PRKN: variants seen among roughly 807,000 people sequenced by gnomAD.
The protein encoded by PRKN is parkin RBR E3 ubiquitin protein ligase, also known as E3 ubiquitin-protein ligase parkin.
In PRKN, 56 loss-of-function variants were observed where a neutral mutation model predicts 59.5. That is an observed-to-expected ratio of 0.94 (90% CI 0.76 to 1.18). PRKN has a LOEUF of 1.18. PRKN is among the 50% of genes most tolerant of loss of function. PRKN has a pLI of 0.00. For synonymous variants in PRKN, 250 were observed against 222.1 expected, an observed-to-expected ratio of 1.13 and a Z score of -1.12; for missense variants, 657 against 596.4, an observed-to-expected ratio of 1.10 and a Z score of -1.06.
At chr6:161,374,322 T>C (rs1273096864) in intron 10 of PRKN, among the ~76,000 whole-genome samples, 1 of 151,812 alleles carries the variant, frequency 6.6e-6, no homozygotes, top group East Asian at 1.9e-4. Context: ...GTGTTGTGTG[T>C]GTAACGCATG....
At chr6:161,907,734 A>G (rs1437195128) in intron 6 of PRKN, among the ~76,000 whole-genome samples, 1 of 152,192 alleles carries the variant, frequency 6.6e-6, no homozygotes, top group Non-Finnish European at 1.5e-5. Flanking sequence ...AGGACCAAAC[A>G]GCGCTCTCAG....
intron 2 of PRKN, among the ~76,000 whole-genome samples, chr6:162,394,905 A>C (rs1246372332): frequency 6.6e-6 from 1 of 152,240 alleles, no homozygotes; most frequent in Non-Finnish European, 1.5e-5. Flanking sequence ...TCCTAGTGTA[A>C]TTAATTGGAC....
intron 6 of PRKN, among the ~76,000 whole-genome samples, chr6:161,863,886 G>A (rs1343268770): frequency 6.6e-6 from 1 of 152,202 alleles, no homozygotes; most frequent in East Asian, 1.9e-4. Flanking sequence ...CTATGCCATA[G>A]TCATATTAAG....
chr6:161,529,078 T>C lies in PRKN; in HGVS notation c.1083+19776A>G, dbSNP rs1012283976. 2.3e-4 allele frequency among the ~76,000 whole-genome samples: 35 copies of C among 152,308 alleles called. No homozygotes were observed. Among genetic ancestry groups the C allele is most frequent in the African/African-American group, 8.2e-4 (34 of 41,574 alleles). On this transcript the variant is annotated intron_variant, in intron 9 of 11. Coordinates refer to ENST00000366898, the MANE Select transcript of PRKN (RefSeq NM_004562.3). This position sits in a 1 kb window ranked among gnomAD's most constrained non-coding sequence, Gnocchi z 4.4. ...TTAGGAGTCTGCTACTTAAAACAGC[T>C]GTCTTATGTCTATGAGATATACGAG...
intron 6 of PRKN, among the ~76,000 whole-genome samples, chr6:161,793,131 C>T (rs753075585): frequency 6.6e-6 from 1 of 152,100 alleles, no homozygotes; most frequent in Non-Finnish European, 1.5e-5. Flanking sequence ...GAGCCTGCTC[C>T]GAGATACTAA....
chr6:161,692,966 G>T (rs922883610), intron 7 of PRKN, among the ~76,000 whole-genome samples: 2 of 136,500 alleles, frequency 1.5e-5, no homozygotes, highest in African/African-American at 2.7e-5. Flanking sequence ...AAAAAAAAAA[G>T]AAAAAAGTGG....
At chr6:161,589,360 G>A (rs543841348) in intron 7 of PRKN, among the ~76,000 whole-genome samples, 13 of 152,140 alleles carry the variant, frequency 8.5e-5, no homozygotes, top group African/African-American at 1.9e-4. Flanking sequence ...GGATTTAGTC[G>A]GTGAAAAATA....
intron 1 of PRKN, among the ~76,000 whole-genome samples, chr6:162,546,463 T>TC (rs1491260421): frequency 2.1e-5 from 3 of 142,458 alleles, no homozygotes; most frequent in Non-Finnish European, 4.7e-5. Context: ...AAACAAACTC[T>TC]TTTTTTTTTT....
rs1778947371 is a variant in PRKN, at chr6:162,078,936, C to T, written c.535-24762G>A. ...GATTTAATTTAATAGATCAGACCCT[C>T]CTTTACAGTCTGTCTTCACACAAAA... On this transcript the variant is annotated intron_variant, in intron 4 of 11. Coordinates refer to ENST00000366898, the MANE Select transcript of PRKN (RefSeq NM_004562.3). Among the ~76,000 whole-genome samples the T allele has an allele frequency of 2.0e-5, 3 of 152,166 alleles. No homozygotes were observed. The South Asian group carries it at 6.2e-4, about 32-fold the overall frequency.
intron 4 of PRKN, among the ~76,000 whole-genome samples, chr6:162,165,949 G>C (rs1782960367): frequency 6.8e-6 from 1 of 147,942 alleles, no homozygotes; most frequent in African/African-American, 2.5e-5. Context: ...TCAGGAGGCT[G>C]AAACAGGAGA....
intron 2 of PRKN, among the ~76,000 whole-genome samples, chr6:162,326,450 G>C (rs1398110127): frequency 2.0e-5 from 3 of 152,052 alleles, no homozygotes; most frequent in Non-Finnish European, 4.4e-5. Context: ...TTTAATATTT[G>C]CACAATATTA....
chr6:161,423,677 G>C lies in PRKN; in HGVS notation c.1084-36800C>G, dbSNP rs762876548. Among the ~76,000 whole-genome samples, 2 of 152,170 alleles carry C rather than the reference G, an allele frequency of 1.3e-5. No homozygotes were observed. Among genetic ancestry groups the C allele is most frequent in the Non-Finnish European group, 1.5e-5 (1 of 68,032 alleles). Reference sequence around the variant, plus strand: ...GCTTCCTCTGCACACTCTAGCTACAGCAGGGCCTTACCATGGCTCATTGTC... The same window carrying C: ...GCTTCCTCTGCACACTCTAGCTACACCAGGGCCTTACCATGGCTCATTGTC... On this transcript the variant is annotated intron_variant, in intron 9 of 11. Coordinates refer to ENST00000366898, the MANE Select transcript of PRKN (RefSeq NM_004562.3). The surrounding 1 kb of genome is among the most constrained non-coding windows in gnomAD (Gnocchi z 5.9).
intron 2 of PRKN, among the ~76,000 whole-genome samples, chr6:162,357,631 TTA>T (rs1248130231): frequency 6.6e-6 from 1 of 152,180 alleles, no homozygotes; most frequent in Non-Finnish European, 1.5e-5. Flanking sequence ...CAATCACACT[TTA>T]TTCATATCTG....
intron 5 of PRKN, among the ~76,000 whole-genome samples, chr6:162,027,308 C>T (rs1228524027): frequency 6.7e-6 from 1 of 148,864 alleles, no homozygotes; most frequent in East Asian, 2.0e-4. Flanking sequence ...TTAATCTTGA[C>T]ATGTTTCAAT....
intron 7 of PRKN, among the ~76,000 whole-genome samples, chr6:161,583,611 A>G (rs1405808539): frequency 6.6e-6 from 1 of 152,228 alleles, no homozygotes; most frequent in African/African-American, 2.4e-5. Context: ...CAATTTTACC[A>G]CCCAGAGACA....
At chr6:162,727,639 G>A in intron 1 of PRKN, 23 bp downstream of exon 1, 1 of 1,583,824 alleles carries the variant, frequency 6.3e-7, no homozygotes, top group Non-Finnish European at 8.6e-7. Flanking sequence ...CAGAGAGGCT[G>A]TACCTGGCAG....
At chr6:161,957,839 C>T (rs957034932) in intron 6 of PRKN, among the ~76,000 whole-genome samples, 1 of 152,152 alleles carries the variant, frequency 6.6e-6, no homozygotes, top group South Asian at 2.1e-4. Flanking sequence ...GCTCAGGGGG[C>T]AGGTCCTGAG....
intron 6 of PRKN, among the ~76,000 whole-genome samples, chr6:161,904,271 G>A (rs534842712): frequency 6.6e-6 from 1 of 151,770 alleles, no homozygotes; most frequent in Non-Finnish European, 1.5e-5. Context: ...CCTTTTTTGA[G>A]GGGGCAAGGT....
intron 1 of PRKN, among the ~76,000 whole-genome samples, chr6:162,631,985 T>TAAA (rs766901063): frequency 2.7e-4 from 32 of 117,218 alleles, no homozygotes; most frequent in African/African-American, 9.6e-4. Flanking sequence ...TATTAAAAAG[T>TAAA]AAAAAAAAAA....
Sources: gnomAD v4.1 joint callset for allele counts (sites outside exome capture counted in the v4.1 genomes callset) on GRCh38, gnomAD v4.1.1 for gene constraint, Gnocchi (gnomAD v3.1) non-coding constraint, MANE v1.5 for transcripts, NCBI Gene and HGNC (gene_info 2026-07-23, HGNC 2026-07-21) for gene names.